RIMS4: variants seen among roughly 807,000 people sequenced by gnomAD.
The protein encoded by RIMS4 is regulating synaptic membrane exocytosis protein 4.
RIMS4 carries 9 observed loss-of-function variants against 29.0 expected under a neutral mutation model. That is an observed-to-expected ratio of 0.31 (90% CI 0.19 to 0.54). RIMS4 has a LOEUF of 0.54. Among genes scored for constraint, RIMS4 ranks in the 20% least tolerant of loss-of-function variants. The probability of loss-of-function intolerance (pLI) is 0.94; values close to 1 mark genes in which losing one functional copy is unlikely to be tolerated. For synonymous variants in RIMS4, 130 were observed against 152.9 expected (o/e 0.85, Z 1.10); for missense variants, 193 against 365.7 (o/e 0.53, Z 3.85).
At chr20:44,766,052 A>T (rs2066112172) in intron 2 of RIMS4, among the ~76,000 whole-genome samples, 1 of 152,204 alleles carries the variant, frequency 6.6e-6, no homozygotes, top group Admixed American at 6.5e-5. Flanking sequence ...CACACATGTG[A>T]CAAGATAGAG....
chr20:44,808,288 C>T (rs2066308021), intron 1 of RIMS4, among the ~76,000 whole-genome samples: 1 of 152,150 alleles, frequency 6.6e-6, no homozygotes, highest in Admixed American at 6.5e-5. Context: ...TTAAAAATAT[C>T]ATTAATACTA....
At chr20:44,780,384 T>C (rs2066178972) in intron 1 of RIMS4, among the ~76,000 whole-genome samples, 1 of 152,230 alleles carries the variant, frequency 6.6e-6, no homozygotes, top group South Asian at 2.1e-4. Context: ...GGACTGGGCC[T>C]GCCTAGGGCA....
At chr20:44,798,918 GA>G (rs1476964821) in intron 1 of RIMS4, among the ~76,000 whole-genome samples, 3 of 152,242 alleles carry the variant, frequency 2.0e-5, no homozygotes, top group Non-Finnish European at 4.4e-5. Flanking sequence ...TAAGACAGTG[GA>G]AACAGGAGTG....
At position 44,756,980 on chromosome 20, in the gene RIMS4, G is replaced by T; in HGVS notation, c.509C>A (p.Thr170Asn). ...ENGICIAKKK[T>N]KVARKSLDPL... ...GTCCAGCGACTTGCGAGCGACTTTG[G>T]TCTTCTTCTTGGCAATGCAGATGCC... Residue 170 changes from threonine to asparagine, a missense_variant, in exon 5 of 6, where the codon ACC becomes AAC. Thr to Asn is a moderately conservative substitution (Grantham distance 65). Transcript: ENST00000372851. The surrounding 1 kb of genome is among the most constrained non-coding windows in gnomAD (Gnocchi z 5.9). 1 of 1,614,110 alleles carries T rather than the reference G, an allele frequency of 6.2e-7. No individual in the cohort carries two copies. Among genetic ancestry groups the T allele is most frequent in the Non-Finnish European group, 8.5e-7 (1 of 1,179,992 alleles).
chr20:44,795,901 A>T (rs539218672), intron 1 of RIMS4, among the ~76,000 whole-genome samples: 13 of 152,164 alleles, frequency 8.5e-5, no homozygotes, highest in Non-Finnish European at 1.6e-4. Flanking sequence ...GAAAATCTGG[A>T]AAATACAAAA....
At chr20:44,774,591 G>C (rs530991613) in intron 1 of RIMS4, among the ~76,000 whole-genome samples, 2 of 152,312 alleles carry the variant, frequency 1.3e-5, no homozygotes, top group East Asian at 3.9e-4. Context: ...TCAGCTTGCA[G>C]ACTGCCTATT....
chr20:44,775,270 A>T (rs1276641405), intron 1 of RIMS4, among the ~76,000 whole-genome samples: 1 of 151,846 alleles, frequency 6.6e-6, no homozygotes, highest in Non-Finnish European at 1.5e-5. Context: ...GAACAATGTG[A>T]TCCTCCTCCA....
chr20:44,787,265 C>A lies in RIMS4; in HGVS notation c.98-15852G>T, dbSNP rs74339538. Among the ~76,000 whole-genome samples, 591 of 152,088 alleles carry A rather than the reference C, an allele frequency of 3.9e-3. 6 individuals carry two copies. Among genetic ancestry groups the A allele is most frequent in the African/African-American group, 0.014 (570 of 41,468 alleles). ...GAGGGCAGACTGAAAAACTGACACA[C>A]CTCACACCAAGCTGGCATACAATTG... On this transcript the variant is annotated intron_variant, in intron 1 of 5. Coordinates refer to ENST00000372851, the MANE Select transcript of RIMS4 (RefSeq NM_182970.4).
At chr20:44,764,011 TATCC>T (rs765164955) in intron 2 of RIMS4, among the ~76,000 whole-genome samples, 1 of 128,866 alleles carries the variant, frequency 7.8e-6, no homozygotes, top group Non-Finnish European at 1.7e-5. Flanking sequence ...TCCATCCATT[TATCC>T]ATCCATCCAT....
intron 1 of RIMS4, among the ~76,000 whole-genome samples, chr20:44,807,070 T>C (rs1040063835): frequency 6.8e-6 from 1 of 147,346 alleles, no homozygotes; most frequent in Non-Finnish European, 1.5e-5. Flanking sequence ...CCAACAAGGC[T>C]GGGCAACAAA....
intron 2 of RIMS4, among the ~76,000 whole-genome samples, chr20:44,769,614 C>T (rs2066127976): frequency 6.6e-6 from 1 of 152,256 alleles, no homozygotes; most frequent in Non-Finnish European, 1.5e-5. Flanking sequence ...AAAGAAAACA[C>T]TGGCTCCCTT....
At position 44,756,417 on chromosome 20, in the gene RIMS4, C is replaced by T. The variant is rs2066060413; in HGVS notation, c.592-65G>A. 7.1e-7 allele frequency: 1 copy of T among 1,417,132 alleles called. No homozygotes were observed. The highest frequency in any genetic ancestry group is 9.8e-7 in the Non-Finnish European group (1 of 1,024,216). The allele number at this position is 1,417,132 out of a possible 1,614,324, so 87.8% of individuals were successfully genotyped here. On this transcript the variant is annotated intron_variant, in intron 5 of 5. Transcript: ENST00000372851. The surrounding 1 kb of genome is among the most constrained non-coding windows in gnomAD (Gnocchi z 5.9). Reference sequence around the variant, plus strand: ...GCCACTCACAGGCCCAGAAGCAGAACCTGGGTCGCCCCATGCCCAATCCAG... The same window carrying T: ...GCCACTCACAGGCCCAGAAGCAGAATCTGGGTCGCCCCATGCCCAATCCAG...
intron 2 of RIMS4, among the ~76,000 whole-genome samples, chr20:44,760,918 T>G (rs2066081867): frequency 6.6e-6 from 1 of 152,036 alleles, no homozygotes; most frequent in African/African-American, 2.4e-5. Flanking sequence ...AGAATTAATG[T>G]GGGCAGGGGG....
intron 1 of RIMS4, among the ~76,000 whole-genome samples, chr20:44,790,297 T>C (rs1457899069): frequency 3.3e-5 from 5 of 152,216 alleles, no homozygotes; most frequent in African/African-American, 1.2e-4. Flanking sequence ...CAGGACACAC[T>C]GTTAAAAAAC....
chr20:44,759,818 C>T (rs771052974), intron 2 of RIMS4, among the ~76,000 whole-genome samples: 3 of 152,238 alleles, frequency 2.0e-5, no homozygotes, highest in East Asian at 1.9e-4. Context: ...CTTGGCTGCC[C>T]GATTCTTCCC....
chr20:44,783,840 T>C (rs1435613932), intron 1 of RIMS4, among the ~76,000 whole-genome samples: 2 of 152,220 alleles, frequency 1.3e-5, no homozygotes, highest in Non-Finnish European at 2.9e-5. Flanking sequence ...GCAAATGGGA[T>C]GTGAATGCTC....
intron 1 of RIMS4, among the ~76,000 whole-genome samples, chr20:44,806,653 T>C (rs749616998): frequency 3.3e-5 from 5 of 152,216 alleles, no homozygotes; most frequent in Non-Finnish European, 7.3e-5. Flanking sequence ...ATAAGATAGA[T>C]AACAGCTAAC....
At chr20:44,773,566 G>T (rs541736444) in intron 1 of RIMS4, among the ~76,000 whole-genome samples, 4 of 151,528 alleles carry the variant, frequency 2.6e-5, no homozygotes, top group African/African-American at 9.7e-5. Flanking sequence ...CACCTGCCTC[G>T]GCTCCCTCCC....
At chr20:44,767,052 C>G (rs914239448) in intron 2 of RIMS4, among the ~76,000 whole-genome samples, 2 of 152,222 alleles carry the variant, frequency 1.3e-5, no homozygotes, top group African/African-American at 4.8e-5. Flanking sequence ...GCTCTGGTTG[C>G]CCACCAGGAA....
Sources: allele counts gnomAD v4.1 joint callset (sites outside exome capture counted in the v4.1 genomes callset), GRCh38; gene constraint gnomAD v4.1.1; non-coding constraint Gnocchi (gnomAD v3.1); transcripts MANE v1.5; gene names NCBI Gene and HGNC (gene_info 2026-07-23, HGNC 2026-07-21).